PIGB: variants seen among roughly 807,000 people sequenced by gnomAD.
The protein encoded by PIGB is GPI alpha-1,2-mannosyltransferase 3.
In PIGB, 58 loss-of-function variants were observed where a neutral mutation model predicts 68.4. That is an observed-to-expected ratio of 0.85 (90% CI 0.69 to 1.06). PIGB has a LOEUF of 1.06. Among genes scored for constraint, PIGB ranks in the 50% least tolerant of loss-of-function variants. The pLI, the probability that PIGB is intolerant of heterozygous loss-of-function variation, is 0.00. For missense variants in PIGB, 634 were observed against 655.8 expected, an observed-to-expected ratio of 0.97 and a Z score of 0.36; for synonymous variants, 219 against 220.5, an observed-to-expected ratio of 0.99 and a Z score of 0.06.
chr15:55,340,116 TAAA>T (rs929036591), intron 7 of PIGB: 45 of 152,126 alleles, frequency 3.0e-4, no homozygotes, highest in East Asian at 2.7e-3. Context: ...CATTAATACT[TAAA>T]GAAGAAAAAA....
intron 8 of PIGB, 35 bp from the exon 9 acceptor site, chr15:55,341,699 ATAAT>A (rs1338171349): frequency 3.8e-6 from 3 of 799,442 alleles, no homozygotes; most frequent in South Asian, 2.3e-5. Context: ...ATATAACATG[ATAAT>A]TAATATTTTT....
In PIGB at chr15:55,334,342, C is replaced by T. The variant is rs140823137; in HGVS notation, c.794+335C>T. 4.6e-3 allele frequency among the ~76,000 whole-genome samples: 700 copies of T among 152,184 alleles called. 7 individuals are homozygous for T. Among genetic ancestry groups the T allele is most frequent in the African/African-American group, 0.015 (623 of 41,520 alleles). ...ATTCATAATGTGTTTTCACATATTA[C>T]CTCATAATTTTCATAATACTTCAGT... is the stretch of plus-strand genomic sequence containing the variant. On this transcript the variant is annotated intron_variant, in intron 6 of 11. Coordinates refer to ENST00000164305, the MANE Select transcript of PIGB (RefSeq NM_004855.5).
intron 3 of PIGB, among the ~76,000 whole-genome samples, chr15:55,326,038 A>C (rs2141169488): frequency 6.6e-6 from 1 of 151,866 alleles, no homozygotes; most frequent in South Asian, 2.1e-4. Flanking sequence ...CTCTACTAAA[A>C]TACAAAAAAT....
intron 3 of PIGB, among the ~76,000 whole-genome samples, chr15:55,325,856 C>T (rs1261166741): frequency 6.6e-6 from 1 of 151,872 alleles, no homozygotes; most frequent in African/African-American, 2.4e-5. Flanking sequence ...GCAGAGGTGG[C>T]GGTGAGCCAA....
chr15:55,329,892 C>G (rs769888329), intron 5 of PIGB, 38 bp downstream of exon 5: 12 of 1,453,340 alleles, frequency 8.3e-6, no homozygotes, highest in African/African-American at 1.4e-5. Context: ...GTTCAAAATT[C>G]TACTTTTGAA....
intron 10 of PIGB, among the ~76,000 whole-genome samples, chr15:55,353,990 A>G (rs934869457): frequency 6.0e-5 from 9 of 150,982 alleles, no homozygotes; most frequent in Admixed American, 3.3e-4. Context: ...CTTCTCAATC[A>G]TCTTAAATAA....
At chr15:55,352,664 C>T (rs901246770) in intron 10 of PIGB, among the ~76,000 whole-genome samples, 1 of 152,172 alleles carries the variant, frequency 6.6e-6, no homozygotes, top group Admixed American at 6.6e-5. Context: ...TGGCGCATGC[C>T]TGTAGTCCTA....
chr15:55,342,673 G>A (rs890553464), intron 9 of PIGB, among the ~76,000 whole-genome samples: 2 of 152,220 alleles, frequency 1.3e-5, no homozygotes, highest in Non-Finnish European at 2.9e-5. Flanking sequence ...GATTGCAGGC[G>A]TGAGCCACCG....
At position 55,355,495 on chromosome 15, in the gene PIGB, T is replaced by C; in HGVS notation, c.*63T>C. ...TTCAGATGCTGCTTAAATACTTCGG[T>C]AAACACTGGGTAAGATTCATGGAAC... On this transcript the variant is annotated 3_prime_UTR_variant, in exon 12 of 12. Transcript: ENST00000164305. 7.5e-7 allele frequency: 1 copy of C among 1,333,222 alleles called. No individual in the cohort carries two copies. The highest frequency in any genetic ancestry group is 1.0e-6 in the Non-Finnish European group (1 of 954,368). 82.6% of individuals were successfully genotyped at this position (1,333,222 alleles called of 1,614,324 possible).
intron 10 of PIGB, 120 bp from the exon 11 acceptor site, chr15:55,354,678 C>T: frequency 1.3e-6 from 1 of 741,212 alleles, no homozygotes; most frequent in Non-Finnish European, 2.1e-6. Context: ...CTTCACTTAA[C>T]TGCAACACAG....
intron 9 of PIGB, among the ~76,000 whole-genome samples, chr15:55,344,673 G>T (rs1232806088): frequency 6.6e-6 from 1 of 152,104 alleles, no homozygotes; most frequent in Non-Finnish European, 1.5e-5. Context: ...GATCTTTAGT[G>T]AATTGTTCAA....
chr15:55,330,498 A>G (rs1054307259), intron 5 of PIGB, among the ~76,000 whole-genome samples: 3 of 152,150 alleles, frequency 2.0e-5, no homozygotes, highest in Admixed American at 6.5e-5. Context: ...GTGAAGGCAT[A>G]GAACTGTAAA....
chr15:55,336,876 G>C (rs1050955550), intron 6 of PIGB, among the ~76,000 whole-genome samples: 2 of 152,214 alleles, frequency 1.3e-5, no homozygotes, highest in Non-Finnish European at 2.9e-5. Flanking sequence ...TATAATCCCA[G>C]CTACTTGGGA....
At position 55,341,004 on chromosome 15, in the gene PIGB, A is replaced by T. The variant is rs1300349754; in HGVS notation, c.1058+181A>T. On this transcript the variant is annotated intron_variant, in intron 8 of 11. Coordinates refer to ENST00000164305, the MANE Select transcript of PIGB (RefSeq NM_004855.5). ...ACTAGAGTGAATACTTTAGATATGTAGTTTGCTTAATAAGGATTACACTCA... is the reference window on the plus strand; with the variant it reads ...ACTAGAGTGAATACTTTAGATATGTTGTTTGCTTAATAAGGATTACACTCA... Among the ~76,000 whole-genome samples the T allele has an allele frequency of 2.0e-5, 3 of 151,976 alleles. No homozygotes were observed. In the East Asian group the frequency reaches 5.8e-4, roughly 29 times the overall value.
Position 55,335,773 on chromosome 15 carries a change from T to G in PIGB, c.794+1766T>G, listed in dbSNP as rs118088935. Among the ~76,000 whole-genome samples, 107 of 152,210 alleles carry G rather than the reference T, an allele frequency of 7.0e-4. 1 individual carries two copies. Among genetic ancestry groups the G allele is most frequent in the Non-Finnish European group, 1.2e-3 (83 of 68,038 alleles). On this transcript the variant is annotated intron_variant, in intron 6 of 11. Coordinates refer to ENST00000164305, the MANE Select transcript of PIGB (RefSeq NM_004855.5). ...GGGGCCAGCCAAGTACTAAGTATGCTGGGCATGTTCAAGGAACAGCAAGGA... is the reference window on the plus strand; with the variant it reads ...GGGGCCAGCCAAGTACTAAGTATGCGGGGCATGTTCAAGGAACAGCAAGGA...
chr15:55,319,542 G>C, intron 1 of PIGB, 129 bp downstream of exon 1: 1 of 642,772 alleles, frequency 1.6e-6, no homozygotes, highest in Middle Eastern at 2.8e-4. Context: ...GCTGGGAAAT[G>C]CTGGAAACAC....
intron 1 of PIGB, 112 bp downstream of exon 1, chr15:55,319,525 T>C (rs928902347): frequency 6.7e-6 from 5 of 744,442 alleles, no homozygotes; most frequent in Admixed American, 3.3e-5. Flanking sequence ...ATCTTGAGTT[T>C]TGAAATGCTG....
rs575192831 is a variant in PIGB, at chr15:55,336,213, C to G, written c.794+2206C>G. Among the ~76,000 whole-genome samples the G allele has an allele frequency of 2.6e-5, 4 of 152,156 alleles. No homozygotes were observed. The South Asian group carries it at 6.2e-4, about 24-fold the overall frequency. ...CCTGAGCAACATAATGAGACCCCAT[C>G]TCAACAAAAAAATTTAAAAATTGGC... On this transcript the variant is annotated intron_variant, in intron 6 of 11. Coordinates refer to ENST00000164305, the MANE Select transcript of PIGB (RefSeq NM_004855.5).
At chr15:55,336,493 G>A (rs928049499) in intron 6 of PIGB, among the ~76,000 whole-genome samples, 1 of 152,178 alleles carries the variant, frequency 6.6e-6, no homozygotes, top group Non-Finnish European at 1.5e-5. Flanking sequence ...TGCTCAGAAC[G>A]CTTACATTAG....
Sources: allele counts gnomAD v4.1 joint callset (sites outside exome capture counted in the v4.1 genomes callset), GRCh38; gene constraint gnomAD v4.1.1; transcripts MANE v1.5; gene names NCBI Gene and HGNC (gene_info 2026-07-23, HGNC 2026-07-21).